Variants in RAB3C observed in about 807,000 individuals in gnomAD.
The protein encoded by RAB3C is RAB3C, member RAS oncogene family, also known as ras-related protein Rab-3C.
A neutral mutation model predicts 26.4 loss-of-function variants in RAB3C; 17 were observed. That is an observed-to-expected ratio of 0.64 (90% CI 0.44 to 0.97). The LOEUF is 0.97. Among genes scored for constraint, RAB3C ranks in the 50% least tolerant of loss-of-function variants. The pLI is 0.00. For missense variants in RAB3C, 242 were observed against 281.9 expected (o/e 0.86, Z 1.01); for synonymous variants, 91 against 95.9 (o/e 0.95, Z 0.30).
rs944026632 is a variant in RAB3C, at chr5:58,850,317, T to C, written c.497-847T>C. ...AATTTACCAAGTGCCCTTTCCCAGATGTTGGTAAAAACATTCCTGCTGATA... is the reference window on the plus strand; with the variant it reads ...AATTTACCAAGTGCCCTTTCCCAGACGTTGGTAAAAACATTCCTGCTGATA... On this transcript the variant is annotated intron_variant, in intron 4 of 4. Coordinates refer to ENST00000282878, the MANE Select transcript of RAB3C (RefSeq NM_138453.4). Among the ~76,000 whole-genome samples the C allele has an allele frequency of 7.2e-5, 11 of 152,330 alleles. No individual in the cohort carries two copies. The East Asian group carries it at 1.7e-3, about 24-fold the overall frequency.
At chr5:58,761,897 T>A (rs1318056121) in intron 3 of RAB3C, among the ~76,000 whole-genome samples, 1 of 152,116 alleles carries the variant, frequency 6.6e-6, no homozygotes, top group Non-Finnish European at 1.5e-5. Context: ...TATTTTATTT[T>A]TCTCTAGCAT....
At chr5:58,594,311 A>G (rs151160075) in intron 1 of RAB3C, among the ~76,000 whole-genome samples, 2 of 152,310 alleles carry the variant, frequency 1.3e-5, no homozygotes, top group East Asian at 3.9e-4. Context: ...CTAATAGAAG[A>G]TAGTTTTTCT....
intron 3 of RAB3C, among the ~76,000 whole-genome samples, chr5:58,734,084 G>A (rs1035754113): frequency 2.0e-5 from 3 of 152,088 alleles, no homozygotes; most frequent in African/African-American, 7.2e-5. Flanking sequence ...CAGAGGCTGA[G>A]GATAAAAGTC....
At chr5:58,810,305 C>A (rs1743038696) in intron 3 of RAB3C, among the ~76,000 whole-genome samples, 1 of 151,792 alleles carries the variant, frequency 6.6e-6, no homozygotes, top group South Asian at 2.1e-4. Context: ...GACAGGCACA[C>A]CTTGAAAATA....
rs1747870524 is a variant in RAB3C at position 58,660,125 on chromosome 5, GC to G, written c.252+42256del. On this transcript the variant is annotated intron_variant, in intron 2 of 4. Coordinates refer to ENST00000282878, the MANE Select transcript of RAB3C (RefSeq NM_138453.4). ...TGGCTTTTCTTAAATTCCTAATACAGCAATTACCTTGGGATGAAGAAATAAA... is the reference window on the plus strand; with the variant it reads ...TGGCTTTTCTTAAATTCCTAATACAGAATTACCTTGGGATGAAGAAATAAA... Among the ~76,000 whole-genome samples, 9 of 141,858 alleles carry G rather than the reference GC, an allele frequency of 6.3e-5. 1 individual carries two copies. Among genetic ancestry groups the G allele is most frequent in the African/African-American group, 2.2e-4 (7 of 31,862 alleles). The allele number at this position is 141,858 out of a possible 152,430, so 93.1% of individuals were successfully genotyped here.
chr5:58,717,303 T>C (rs537437701), intron 2 of RAB3C, among the ~76,000 whole-genome samples: 7 of 152,252 alleles, frequency 4.6e-5, no homozygotes, highest in African/African-American at 1.7e-4. Flanking sequence ...TTCTGTCCCT[T>C]CTTTTTGTAG....
At chr5:58,608,086 T>G (rs1746610722) in intron 1 of RAB3C, among the ~76,000 whole-genome samples, 1 of 152,114 alleles carries the variant, frequency 6.6e-6, no homozygotes, top group African/African-American at 2.4e-5. Context: ...ATAACAATAT[T>G]AACCTTAAAT....
intron 4 of RAB3C, among the ~76,000 whole-genome samples, chr5:58,838,424 T>C (rs748144861): frequency 2.6e-5 from 4 of 152,152 alleles, no homozygotes; most frequent in Non-Finnish European, 5.9e-5. Context: ...TTATTAATCT[T>C]TTATTCTTAA....
intron 1 of RAB3C, among the ~76,000 whole-genome samples, chr5:58,596,840 A>AATG (rs1746285139): frequency 1.1e-5 from 1 of 90,276 alleles, no homozygotes; most frequent in South Asian, 4.3e-4. Context: ...ATAAATTTAT[A>AATG]ATATATAATA....
chr5:58,765,548 A>G (rs1222245827), intron 3 of RAB3C, among the ~76,000 whole-genome samples: 1 of 152,130 alleles, frequency 6.6e-6, no homozygotes, highest in Non-Finnish European at 1.5e-5. Flanking sequence ...TCCTCTTTTT[A>G]TAAGTAAATA....
intron 4 of RAB3C, among the ~76,000 whole-genome samples, chr5:58,835,324 T>C (rs1323670245): frequency 6.6e-6 from 1 of 152,178 alleles, no homozygotes; most frequent in Non-Finnish European, 1.5e-5. Flanking sequence ...ATACTCCTTC[T>C]TACTAATCCA....
At chr5:58,772,379 C>A (rs1742047392) in intron 3 of RAB3C, among the ~76,000 whole-genome samples, 1 of 152,076 alleles carries the variant, frequency 6.6e-6, no homozygotes, top group Admixed American at 6.6e-5. Context: ...GATTATTGTT[C>A]TTTAAGTGAG....
intron 3 of RAB3C, among the ~76,000 whole-genome samples, chr5:58,758,432 A>G (rs1741722215): frequency 3.9e-5 from 6 of 152,178 alleles, no homozygotes. Flanking sequence ...GTTTTTCCTC[A>G]TATATATAGA....
intron 4 of RAB3C, among the ~76,000 whole-genome samples, chr5:58,839,858 C>T (rs1743838429): frequency 6.6e-6 from 1 of 150,770 alleles, no homozygotes; most frequent in African/African-American, 2.4e-5. Context: ...GATTTTATTT[C>T]TCCATCATTT....
intron 2 of RAB3C, 144 bp from the exon 3 acceptor site, chr5:58,725,858 G>A (rs35694320): frequency 0.15 from 69,856 of 474,504 alleles, 5,716 homozygotes; most frequent in Non-Finnish European, 0.17. Flanking sequence ...AATCATTAGG[G>A]GAAACAAGAC....
chr5:58,621,236 TATA>T (rs1241435383), intron 2 of RAB3C, among the ~76,000 whole-genome samples: 1 of 152,204 alleles, frequency 6.6e-6, no homozygotes, highest in East Asian at 1.9e-4. Flanking sequence ...GTTGAAACAC[TATA>T]CCATTTTCTC....
chr5:58,815,242 C>T (rs193053824), intron 3 of RAB3C, among the ~76,000 whole-genome samples: 2 of 152,306 alleles, frequency 1.3e-5, no homozygotes, highest in Admixed American at 1.3e-4. Context: ...CAAGCATTCA[C>T]AGGAGCCTTG....
intron 2 of RAB3C, among the ~76,000 whole-genome samples, chr5:58,639,634 A>T (rs1010380891): frequency 1.3e-5 from 2 of 152,030 alleles, no homozygotes; most frequent in Admixed American, 1.3e-4. Context: ...TCGCCTCCAA[A>T]TGTCATCACG....
intron 3 of RAB3C, among the ~76,000 whole-genome samples, chr5:58,797,355 T>A (rs1272733058): frequency 0.098 from 1,997 of 20,458 alleles, 106 homozygotes; most frequent in African/African-American, 0.12. Context: ...AAAAAAAAAA[T>A]ATGTATATAT....
Sources: gnomAD v4.1 joint callset for allele counts (sites outside exome capture counted in the v4.1 genomes callset) on GRCh38, gnomAD v4.1.1 for gene constraint, MANE v1.5 for transcripts, NCBI Gene and HGNC (gene_info 2026-07-23, HGNC 2026-07-21) for gene names.